Variants in RSAD1 observed in about 807,000 individuals in gnomAD.
RSAD1 encodes the protein radical S-adenosyl methionine domain containing 1, also known as radical S-adenosyl methionine domain-containing protein 1, mitochondrial.
In RSAD1, 34 loss-of-function variants were observed where a neutral mutation model predicts 46.2. The observed-to-expected ratio is 0.74, with a 90% CI of 0.56 to 0.98. The LOEUF is 0.98. RSAD1 is among the 50% of genes least tolerant of loss of function. The pLI, the probability that RSAD1 is intolerant of heterozygous loss-of-function variation, is 0.00. For synonymous variants in RSAD1, 260 were observed against 253.5 expected (o/e 1.03, Z -0.24); for missense variants, 635 against 592.3 (o/e 1.07, Z -0.75).
At chr17:50,483,237 C>A in intron 5 of RSAD1, 103 bp from the exon 6 acceptor site, 5 of 908,512 alleles carry the variant, frequency 5.5e-6, no homozygotes, top group Non-Finnish European at 7.6e-6. Flanking sequence ...ATTTATATTT[C>A]CAGTATGTTA....
chr17:50,483,538 A>T lies in RSAD1; in HGVS notation c.1052+51A>T, dbSNP rs764335114. 9.4e-6 allele frequency: 15 copies of T among 1,600,548 alleles called. No homozygotes were observed. In the South Asian group the frequency reaches 1.7e-4, roughly 18 times the overall value. On this transcript the variant is annotated intron_variant, in intron 6 of 8. Transcript: ENST00000258955. ...TCCTCCAGGATCCCCACACCCCAAG[A>T]CCATGTCTATTTGTATATCTTTTAT...
At chr17:50,483,319 G>A (rs2033407152) in intron 5 of RSAD1, 21 bp from the exon 6 acceptor site, 3 of 1,611,082 alleles carry the variant, frequency 1.9e-6, no homozygotes, top group Non-Finnish European at 2.5e-6. Flanking sequence ...TTAATGTGGG[G>A]ATGGTTGTTG....
In RSAD1 at chr17:50,482,225, G is replaced by A. The variant is rs1329658360; in HGVS notation, c.609G>A (p.Gln203=). 2 of 1,568,860 alleles carry A rather than the reference G, an allele frequency of 1.3e-6. No homozygotes were observed. The highest frequency in any genetic ancestry group is 1.7e-6 in the Non-Finnish European group (2 of 1,153,696). The change falls in exon 4 of 9, where the codon CAG becomes CAA. Residue 203 remains glutamine (Q), a synonymous_variant. Coordinates refer to ENST00000258955, the MANE Select transcript of RSAD1 (RefSeq NM_018346.3). ...ACTTGATGCTGGGGCTGCCGGCACAGCAGGTGGGGCCGTGGCTTGGGCAGC... is the reference window on the plus strand; with the variant it reads ...ACTTGATGCTGGGGCTGCCGGCACAACAGGTGGGGCCGTGGCTTGGGCAGC... ...SVDLMLGLPA[Q]QVGPWLGQLQ... is the part of the protein sequence containing the mutation.
Position 50,482,348 on chromosome 17 carries a change from C to T in RSAD1, c.732C>T (p.Ala244=). 1.2e-6 allele frequency: 2 copies of T among 1,612,208 alleles called. No individual in the cohort carries two copies. Among genetic ancestry groups the T allele is most frequent in the Non-Finnish European group, 1.7e-6 (2 of 1,179,170 alleles). Residue 244 remains alanine, a synonymous_variant, in exon 4 of 9, where the codon GCC becomes GCT. Coordinates refer to ENST00000258955, the MANE Select transcript of RSAD1 (RefSeq NM_018346.3). ...TALFAQVQRG[A]LPAPDPELAA... is the part of the protein sequence containing the mutation. ...TCTTCGCCCAGGTGCAGCGGGGTGCCCTTCCAGCCCCTGACCCGGAGCTCG... is the reference window on the plus strand; with the variant it reads ...TCTTCGCCCAGGTGCAGCGGGGTGCTCTTCCAGCCCCTGACCCGGAGCTCG...
Position 50,479,651 on chromosome 17 carries a change from G to A in RSAD1, c.158G>A (p.Cys53Tyr). 6.2e-7 allele frequency: 1 copy of A among 1,613,864 alleles called. No homozygotes were observed. The highest frequency in any genetic ancestry group is 8.5e-7 in the Non-Finnish European group (1 of 1,180,042). The change falls in exon 2 of 9, where the codon TGC becomes TAC. Residue 53 changes from cysteine (C) to tyrosine (Y), a missense_variant. Physicochemically the swap from Cys to Tyr is radical, Grantham distance 194 (BLOSUM62 -2). Transcript: ENST00000258955. ...YVHWPYCEKR[C>Y]SYCNFNKYIP... is the part of the protein sequence containing the mutation. ...CAGTGGCCTTACTGCGAGAAGCGCT[G>A]CAGTTACTGCAACTTCAACAAGTAC...
At chr17:50,480,145 G>T in intron 3 of RSAD1, 61 bp downstream of exon 3, 1 of 1,550,978 alleles carries the variant, frequency 6.4e-7, no homozygotes, top group South Asian at 1.1e-5. Context: ...TCTCCTCTTT[G>T]GTCACATTCA....
Position 50,484,963 on chromosome 17 carries a change from T to C in RSAD1, c.*102T>C, listed in dbSNP as rs116530870. 3 of 897,020 alleles carry C rather than the reference T, an allele frequency of 3.3e-6. No individual in the cohort carries two copies. Among genetic ancestry groups the C allele is most frequent in the Non-Finnish European group, 5.4e-6 (3 of 558,428 alleles). The allele number at this position is 897,020 out of a possible 1,614,324, so 55.6% of individuals were successfully genotyped here. A position where few individuals can be genotyped will look rare whatever the true frequency, so the allele number is the denominator to read the frequency against. ...CGTTGTCGGGTGCCGTCTCTGCTCC[T>C]TGTGGTTATTGCTCAGCCCTGGCAT... On this transcript the variant is annotated 3_prime_UTR_variant, in exon 9 of 9. Coordinates refer to ENST00000258955, the MANE Select transcript of RSAD1 (RefSeq NM_018346.3).
At chr17:50,482,829 T>G in intron 5 of RSAD1, 123 bp downstream of exon 5, 1 of 810,256 alleles carries the variant, frequency 1.2e-6, no homozygotes. Context: ...CAAAAAATAA[T>G]ACCTCCCTAT....
chr17:50,481,557 G>A (rs2033380096), intron 3 of RSAD1, among the ~76,000 whole-genome samples: 1 of 152,136 alleles, frequency 6.6e-6, no homozygotes, highest in African/African-American at 2.4e-5. Context: ...TTCCACCATT[G>A]TAGAAAGTTC....
At chr17:50,483,238 C>T in intron 5 of RSAD1, 102 bp from the exon 6 acceptor site, 1 of 911,292 alleles carries the variant, frequency 1.1e-6, no homozygotes, top group African/African-American at 1.8e-5. Context: ...TTTATATTTC[C>T]AGTATGTTAG....
In RSAD1 at chr17:50,483,227, AT is replaced by A. The variant is rs1598444742; in HGVS notation, c.905-110del. The A allele has an allele frequency of 1.9e-5, 19 of 1,020,116 alleles. No homozygotes were observed. The East Asian group carries it at 5.9e-4, about 32-fold the overall frequency. The allele number at this position is 1,020,116 out of a possible 1,614,324, so 63.2% of individuals were successfully genotyped here. ...AAAGAAAGAAAAGAAAAGAAAAATA[AT>A]TTATATTTCCAGTATGTTAGAGGCA... On this transcript the variant is annotated intron_variant, in intron 5 of 8. Coordinates refer to ENST00000258955, the MANE Select transcript of RSAD1 (RefSeq NM_018346.3).
rs2033363251 is a variant in RSAD1 at position 50,479,996 on chromosome 17, C to G, written c.386C>G (p.Thr129Arg). ...CACCTGCCTGCAGACTTGGAAGTCA[C>G]ATTGGAGGCTAATCCTACTTCAGCT... ...AAHLPADLEV[T>R]LEANPTSAPG... Residue 129 changes from threonine (T) to arginine (R), a missense_variant, in exon 3 of 9, where the codon ACA (threonine) becomes AGA (arginine). Thr to Arg is a moderately conservative substitution (Grantham distance 71). Coordinates refer to ENST00000258955, the MANE Select transcript of RSAD1 (RefSeq NM_018346.3). 1.2e-6 allele frequency: 2 copies of G among 1,614,106 alleles called. No homozygotes were observed.
At chr17:50,479,343 G>T in intron 1 of RSAD1, 1 of 494,254 alleles carries the variant, frequency 2.0e-6, no homozygotes, top group Non-Finnish European at 3.5e-6. Flanking sequence ...TAGGAAAATT[G>T]TATGAAAATT....
At chr17:50,482,539 G>C in intron 4 of RSAD1, 83 bp downstream of exon 4, 1 of 1,611,128 alleles carries the variant, frequency 6.2e-7, no homozygotes, top group Non-Finnish European at 8.5e-7. Context: ...TGAAGAGAAG[G>C]ATCCTGGCCG....
chr17:50,482,244 G>A lies in RSAD1; in HGVS notation c.628G>A (p.Gly210Arg), dbSNP rs765037495. Residue 210 changes from glycine to arginine, a missense_variant, in exon 4 of 9, where the codon GGG (glycine) becomes AGG (arginine). Gly to Arg is a moderately radical substitution (Grantham distance 125). Coordinates refer to ENST00000258955, the MANE Select transcript of RSAD1 (RefSeq NM_018346.3). ...LPAQQVGPWL[G>R]QLQELLHHCD... is the part of the protein sequence containing the mutation. ...GGCACAGCAGGTGGGGCCGTGGCTT[G>A]GGCAGCTGCAGGAACTGCTGCACCA... 3.8e-6 allele frequency: 6 copies of A among 1,571,192 alleles called. No individual in the cohort carries two copies. Among genetic ancestry groups the A allele is most frequent in the Non-Finnish European group, 4.3e-6 (5 of 1,154,534 alleles).
chr17:50,478,898 G>A lies in RSAD1; in HGVS notation c.14G>A (p.Gly5Glu). The change falls in exon 1 of 9, where the codon GGA (glycine) becomes GAA (glutamate). Residue 5 changes from glycine (G) to glutamate (E), a missense_variant. Transcript: ENST00000258955. The part of the protein sequence containing the change: MALP[G>E]ARARGWAAAA... ...GCGCTGGGCGCCATGGCGCTCCCCG[G>A]AGCCCGGGCTCGCGGCTGGGCGGCA... The A allele has an allele frequency of 7.6e-7, 1 of 1,313,856 alleles. No individual in the cohort carries two copies. The highest frequency in any genetic ancestry group is 2.3e-5 in the South Asian group (1 of 43,860). The allele number at this position is 1,313,856 out of a possible 1,614,324, so 81.4% of individuals were successfully genotyped here.
intron 8 of RSAD1, 57 bp downstream of exon 8, chr17:50,484,602 C>T: frequency 6.4e-7 from 1 of 1,562,840 alleles, no homozygotes; most frequent in Non-Finnish European, 8.8e-7. Context: ...GCCCTGACTA[C>T]AGCTCTCCAC....
intron 6 of RSAD1, 105 bp downstream of exon 6, chr17:50,483,592 C>T: frequency 6.3e-7 from 1 of 1,589,392 alleles, no homozygotes; most frequent in East Asian, 2.3e-5. Context: ...CCCTGCCTTG[C>T]CACATACTGT....
At chr17:50,484,373 C>T in intron 7 of RSAD1, 69 bp from the exon 8 acceptor site, 5 of 1,423,670 alleles carry the variant, frequency 3.5e-6, no homozygotes, top group Non-Finnish European at 4.9e-6. Context: ...CCACCTCTCA[C>T]CATACCCCAA....
Sources: allele counts gnomAD v4.1 joint callset (sites outside exome capture counted in the v4.1 genomes callset), GRCh38; gene constraint gnomAD v4.1.1; transcripts MANE v1.5; gene names NCBI Gene and HGNC (gene_info 2026-07-23, HGNC 2026-07-21).